PCSK6: variants seen among roughly 807,000 people sequenced by gnomAD.
PCSK6 encodes paired basic amino acid cleaving enzyme 4.
Under a neutral mutation model 123.3 loss-of-function variants are expected in PCSK6, and 85 were observed. That is an observed-to-expected ratio of 0.69 (90% CI 0.58 to 0.83). PCSK6 has a LOEUF of 0.83. Ranked by LOEUF, PCSK6 falls within the 40% of genes least tolerant of loss-of-function variation. The pLI, the probability that PCSK6 is intolerant of heterozygous loss-of-function variation, is 0.00. For missense variants in PCSK6, 1,191 were observed against 1,282.3 expected (o/e 0.93, Z 1.09); for synonymous variants, 508 against 516.0 (o/e 0.98, Z 0.21).
At chr15:101,484,637 C>T (rs868059024) in intron 1 of PCSK6, among the ~76,000 whole-genome samples, 5 of 152,020 alleles carry the variant, frequency 3.3e-5, no homozygotes, top group Middle Eastern at 3.2e-3. Flanking sequence ...ATGATCCACC[C>T]GCCTCTGCCT....
At chr15:101,387,672 T>C (rs3784485) in intron 9 of PCSK6, among the ~76,000 whole-genome samples, 98,233 of 151,788 alleles carry the variant, frequency 0.65, 32,421 homozygotes, top group Admixed American at 0.74. Flanking sequence ...ACGTATGGGT[T>C]TTCCTTCATT....
intron 1 of PCSK6, among the ~76,000 whole-genome samples, chr15:101,480,115 G>A (rs1197816907): frequency 9.9e-5 from 15 of 152,222 alleles, no homozygotes; most frequent in Admixed American, 9.8e-4. Flanking sequence ...TCCCCCCAGG[G>A]CGGTCTGGCT....
chr15:101,349,792 T>A (rs1291207654), intron 13 of PCSK6, among the ~76,000 whole-genome samples: 2 of 152,204 alleles, frequency 1.3e-5, no homozygotes, highest in Non-Finnish European at 2.9e-5. Flanking sequence ...CACATCACTC[T>A]GTGGCCCCGA....
At chr15:101,472,733 C>T (rs1193382354) in intron 1 of PCSK6, among the ~76,000 whole-genome samples, 1 of 152,186 alleles carries the variant, frequency 6.6e-6, no homozygotes, top group Non-Finnish European at 1.5e-5. Context: ...GGAAAGGAAC[C>T]AATTGCTGGA....
At position 101,383,560 on chromosome 15, in the gene PCSK6, C is replaced by T. The variant is rs2041970770; in HGVS notation, c.1414+762G>A. 1.3e-5 allele frequency among the ~76,000 whole-genome samples: 2 copies of T among 152,140 alleles called. 1 individual carries two copies. The highest frequency in any genetic ancestry group is 4.1e-4 in the South Asian group (2 of 4,832). On this transcript the variant is annotated intron_variant, in intron 10 of 21. Transcript: ENST00000611716. ...GTACCTAGGTCTGTACCAGGCTGGG[C>T]TGAGGGTAGAGGCCCCACTGTCCTA...
chr15:101,425,762 C>A (rs1023681434), intron 6 of PCSK6, among the ~76,000 whole-genome samples: 1 of 152,138 alleles, frequency 6.6e-6, no homozygotes, highest in Non-Finnish European at 1.5e-5. Context: ...TTGCAGGACT[C>A]GGGAAACGTA....
intron 6 of PCSK6, among the ~76,000 whole-genome samples, chr15:101,411,788 C>T (rs1382626416): frequency 6.6e-6 from 1 of 152,212 alleles, no homozygotes; most frequent in Non-Finnish European, 1.5e-5. Context: ...AGGTGCCCGA[C>T]CTCACTGCTG....
At chr15:101,449,531 TCTCACATCCGAGTGAGC>T (rs1479808346) in intron 1 of PCSK6, among the ~76,000 whole-genome samples, 1 of 152,214 alleles carries the variant, frequency 6.6e-6, no homozygotes. Flanking sequence ...TTCCCACAGT[TCTCACATCCGAGTGAGC>T]CTCCTGGGGC....
At chr15:101,384,487 C>G in intron 9 of PCSK6, 62 bp from the exon 10 acceptor site, 6 of 1,443,536 alleles carry the variant, frequency 4.2e-6, no homozygotes, top group Non-Finnish European at 5.7e-6. Context: ...ACACAGGCCA[C>G]TCAGAGGCAG....
intron 11 of PCSK6, among the ~76,000 whole-genome samples, chr15:101,370,989 T>TC (rs988662722): frequency 6.6e-6 from 1 of 152,104 alleles, no homozygotes; most frequent in African/African-American, 2.4e-5. Flanking sequence ...GGAGGGCAGA[T>TC]CACAAGGTCA....
intron 10 of PCSK6, chr15:101,384,013 G>T: frequency 1.4e-6 from 1 of 691,314 alleles, no homozygotes; most frequent in Non-Finnish European, 1.8e-6. Context: ...GCGACTATAG[G>T]CACACGTCAT....
At chr15:101,374,566 G>C (rs142909425) in intron 11 of PCSK6, among the ~76,000 whole-genome samples, 8 of 152,206 alleles carry the variant, frequency 5.3e-5, no homozygotes, top group Admixed American at 6.5e-5. Flanking sequence ...GCCATGTTGA[G>C]AGACCCTCCA....
intron 13 of PCSK6, among the ~76,000 whole-genome samples, chr15:101,359,141 T>C (rs7174309): frequency 0.47 from 71,389 of 152,000 alleles, 18,225 homozygotes; most frequent in East Asian, 0.78. Flanking sequence ...GGAGTGGCAG[T>C]TGTCTACAGG....
rs534205152 is a variant in PCSK6, at chr15:101,398,250, C to T, written c.996+154G>A. Reference sequence around the variant, plus strand: ...GTCAAGAGCCACTTCTCAGACTCCCCGAGTGACTCCTCCACACTGGCCCTG... The same window carrying T: ...GTCAAGAGCCACTTCTCAGACTCCCTGAGTGACTCCTCCACACTGGCCCTG... On this transcript the variant is annotated intron_variant, in intron 7 of 21. Transcript: ENST00000611716. The surrounding 1 kb of genome is among the most constrained non-coding windows in gnomAD (Gnocchi z 4.6). Among the ~76,000 whole-genome samples the T allele has an allele frequency of 3.9e-5, 6 of 152,308 alleles. No homozygotes were observed. In the South Asian group the frequency reaches 1.0e-3, roughly 26 times the overall value.
chr15:101,379,568 T>C (rs979072149), intron 11 of PCSK6, among the ~76,000 whole-genome samples: 1 of 152,154 alleles, frequency 6.6e-6, no homozygotes, highest in African/African-American at 2.4e-5. Flanking sequence ...CTCTTCACCA[T>C]GGGAAGCAGC....
At chr15:101,319,603 C>A (rs980929923) in intron 18 of PCSK6, among the ~76,000 whole-genome samples, 2 of 152,172 alleles carry the variant, frequency 1.3e-5, no homozygotes, top group Admixed American at 6.5e-5. Flanking sequence ...GACTTCCCTC[C>A]TGGGAGGTGA....
rs2040260270 is a variant in PCSK6 at position 101,326,617 on chromosome 15, AGAC to A, written c.2078-141_2078-139del. On this transcript the variant is annotated intron_variant, in intron 15 of 21. Transcript: ENST00000611716. ...CAGGCCCCGCTGGGGCTGGACGGCC[AGAC>A]GACAAGGCGGGAGCAGCCGTCCCTG... 3 of 775,848 alleles carry A rather than the reference AGAC, an allele frequency of 3.9e-6. No individual in the cohort carries two copies. In the East Asian group the frequency reaches 8.1e-5, roughly 21 times the overall value. The allele number at this position is 775,848 out of a possible 1,614,324, so 48.1% of individuals were successfully genotyped here.
chr15:101,393,480 T>A, intron 7 of PCSK6, 56 bp from the exon 8 acceptor site: 1 of 1,410,758 alleles, frequency 7.1e-7, no homozygotes. Context: ...GTAGGGTGGG[T>A]CTCCCCCCGA....
chr15:101,375,998 C>A (rs1474914561), intron 11 of PCSK6, among the ~76,000 whole-genome samples: 1 of 152,210 alleles, frequency 6.6e-6, no homozygotes, highest in Non-Finnish European at 1.5e-5. Context: ...CGCGCCACTG[C>A]ACTCCAGCCT....
Sources: allele counts gnomAD v4.1 joint callset (sites outside exome capture counted in the v4.1 genomes callset), GRCh38; gene constraint gnomAD v4.1.1; non-coding constraint Gnocchi (gnomAD v3.1); transcripts MANE v1.5; gene names NCBI Gene and HGNC (gene_info 2026-07-23, HGNC 2026-07-21).